Variants in CAPN9 observed in about 807,000 individuals in gnomAD.
The protein encoded by CAPN9 is calpain-9.
A neutral mutation model predicts 92.8 loss-of-function variants in CAPN9; 81 were observed. The observed-to-expected ratio is 0.87, with a 90% confidence interval of 0.73 to 1.05. The LOEUF (loss-of-function observed/expected upper bound fraction) is 1.05, where lower values mean the gene tolerates loss of function less well. CAPN9 is among the 50% of genes least tolerant of loss of function. The probability of loss-of-function intolerance (pLI) is 0.00; values close to 1 mark genes in which losing one functional copy is unlikely to be tolerated. For missense variants in CAPN9, 848 were observed against 866.2 expected, an observed-to-expected ratio of 0.98 and a Z score of 0.26; for synonymous variants, 304 against 328.0, an observed-to-expected ratio of 0.93 and a Z score of 0.79.
intron 9 of CAPN9, among the ~76,000 whole-genome samples, 177 bp from the exon 10 acceptor site, chr1:230,780,002 G>T (rs1667094336): frequency 6.6e-6 from 1 of 152,092 alleles, no homozygotes; most frequent in African/African-American, 2.4e-5. Flanking sequence ...TAGGGTAGGA[G>T]GACTTATTGA....
rs1293286528 is a variant in CAPN9 at position 230,767,580 on chromosome 1, C to T, written c.576C>T (p.Ala192=). ...GSYEALKGGS[A]IEAMEDFTGG... is the part of the protein sequence containing the mutation. ...ATGAAGCTCTGAAGGGAGGCAGCGC[C>T]ATCGAGGCCATGGAAGACTTCACTG... Residue 192 remains alanine (A), a synonymous_variant, in exon 5 of 20, where the codon GCC becomes GCT. Transcript: ENST00000271971. The T allele has an allele frequency of 7.4e-6, 12 of 1,613,544 alleles. No homozygotes were observed. Among genetic ancestry groups the T allele is most frequent in the Non-Finnish European group, 1.0e-5 (12 of 1,179,732 alleles).
At chr1:230,788,195 T>G (rs892098047) in intron 13 of CAPN9, among the ~76,000 whole-genome samples, 2 of 152,168 alleles carry the variant, frequency 1.3e-5, no homozygotes, top group Non-Finnish European at 2.9e-5. Flanking sequence ...CTTGAAGAGG[T>G]GACTCCTTTG....
At chr1:230,768,036 AT>A (rs1558093665) in intron 5 of CAPN9, among the ~76,000 whole-genome samples, 6 of 131,804 alleles carry the variant, frequency 4.6e-5, no homozygotes, top group Non-Finnish European at 8.6e-5. Context: ...AAATAAATAA[AT>A]AAATAAATAA....
At chr1:230,767,496 C>T in intron 4 of CAPN9, 45 bp from the exon 5 acceptor site, 1 of 1,541,620 alleles carries the variant, frequency 6.5e-7, no homozygotes, top group East Asian at 2.3e-5. Flanking sequence ...CCAGTGGCCT[C>T]CCTAGGTCCC....
chr1:230,776,249 G>A (rs1666765409), intron 8 of CAPN9: 1 of 152,080 alleles, frequency 6.6e-6, no homozygotes, highest in Non-Finnish European at 1.5e-5. Context: ...AGCTCTCTGG[G>A]GCCTCTTTTA....
intron 14 of CAPN9, chr1:230,790,488 A>G (rs28359708): frequency 0.054 from 9,257 of 170,154 alleles, 291 homozygotes; most frequent in South Asian, 0.13. Context: ...CATGTGTGTC[A>G]TATGCGTAGA....
chr1:230,785,893 C>G, intron 11 of CAPN9, 88 bp from the exon 12 acceptor site: 1 of 1,309,454 alleles, frequency 7.6e-7, no homozygotes, highest in Non-Finnish European at 1.1e-6. Context: ...AGGGACAGAA[C>G]CTTCCCAGGC....
At chr1:230,773,338 A>C (rs886773810) in intron 7 of CAPN9, among the ~76,000 whole-genome samples, 1 of 152,138 alleles carries the variant, frequency 6.6e-6, no homozygotes, top group African/African-American at 2.4e-5. Flanking sequence ...TCCTGGCAGA[A>C]ATGGAAAGCA....
At chr1:230,761,389 G>T (rs1665625373) in intron 3 of CAPN9, among the ~76,000 whole-genome samples, 2 of 152,076 alleles carry the variant, frequency 1.3e-5, no homozygotes, top group South Asian at 4.1e-4. Context: ...CAGCCCTGAG[G>T]CTCCTCCCCA....
At position 230,801,837 on chromosome 1, in the gene CAPN9, A is replaced by T; in HGVS notation, c.*241A>T. 1.8e-6 allele frequency: 1 copy of T among 552,694 alleles called. No individual in the cohort carries two copies. Among genetic ancestry groups the T allele is most frequent in the South Asian group, 2.6e-5 (1 of 37,842 alleles). 34.2% of individuals were successfully genotyped at this position (552,694 alleles called of 1,614,324 possible). On this transcript the variant is annotated 3_prime_UTR_variant, in exon 20 of 20. Coordinates refer to ENST00000271971, the MANE Select transcript of CAPN9 (RefSeq NM_006615.3). ...GCTGATGGCGCCACCTGTGCCTTACATCCAGGTTCAGGCATCACTAGCTTT... is the reference window on the plus strand; with the variant it reads ...GCTGATGGCGCCACCTGTGCCTTACTTCCAGGTTCAGGCATCACTAGCTTT...
At chr1:230,790,793 C>T (rs1267720021) in intron 14 of CAPN9, among the ~76,000 whole-genome samples, 2 of 152,128 alleles carry the variant, frequency 1.3e-5, no homozygotes, top group African/African-American at 4.8e-5. Flanking sequence ...TAAACACACA[C>T]ACACACAATC....
At position 230,779,153 on chromosome 1, in the gene CAPN9, C is replaced by T; in HGVS notation, c.1114+20C>T. On this transcript the variant is annotated intron_variant, in intron 9 of 19. Coordinates refer to ENST00000271971, the MANE Select transcript of CAPN9 (RefSeq NM_006615.3). ...TCCTGGGTAGGTAGGCTGCCTGTCA[C>T]TCTCTCTGCCACTCCCAAGTGTCCC... The T allele has an allele frequency of 6.2e-7, 1 of 1,610,278 alleles. No individual in the cohort carries two copies. The highest frequency in any genetic ancestry group is 2.2e-5 in the East Asian group (1 of 44,864).
chr1:230,777,933 G>A (rs945654929), intron 8 of CAPN9, among the ~76,000 whole-genome samples: 9 of 152,044 alleles, frequency 5.9e-5, no homozygotes, highest in African/African-American at 1.7e-4. Flanking sequence ...CTCTTTAGGC[G>A]TCTCGTCTGG....
chr1:230,766,220 C>G (rs1041506621), intron 4 of CAPN9, among the ~76,000 whole-genome samples: 1 of 152,086 alleles, frequency 6.6e-6, no homozygotes, highest in African/African-American at 2.4e-5. Flanking sequence ...CTCAGCCTCC[C>G]GAAATGCTGG....
intron 8 of CAPN9, 110 bp downstream of exon 8, chr1:230,774,741 T>TTCTTTC (rs756634464): frequency 9.0e-5 from 12 of 133,588 alleles, no homozygotes; most frequent in African/African-American, 5.1e-4. Context: ...CTTTCTTTCT[T>TTCTTTC]TTTTTTTTTT....
chr1:230,751,068 C>T (rs1258449459), intron 1 of CAPN9, among the ~76,000 whole-genome samples: 1 of 152,172 alleles, frequency 6.6e-6, no homozygotes, highest in Non-Finnish European at 1.5e-5. Flanking sequence ...AGGCAATTCC[C>T]CCCCACCAAT....
chr1:230,768,544 GT>G lies in CAPN9; in HGVS notation c.706-624del, dbSNP rs34574106. ...CTTCCTATCTAGTTTTCTGAAATTT[GT>G]TTTTTTTTTTTCATTTCATGTACTA... On this transcript the variant is annotated intron_variant, in intron 5 of 19. Transcript: ENST00000271971. 3.9e-3 allele frequency among the ~76,000 whole-genome samples: 567 copies of G among 144,240 alleles called. 2 individuals are homozygous for G. Among genetic ancestry groups the G allele is most frequent in the Non-Finnish European group, 5.9e-3 (386 of 65,450 alleles). The allele number at this position is 144,240 out of a possible 152,430, so 94.6% of individuals were successfully genotyped here.
At chr1:230,758,013 G>A (rs560691502) in intron 2 of CAPN9, among the ~76,000 whole-genome samples, 1 of 152,254 alleles carries the variant, frequency 6.6e-6, no homozygotes, top group Admixed American at 6.5e-5. Context: ...GACCCACAGA[G>A]GGCACTTCTT....
At chr1:230,786,644 C>T (rs1667605251) in intron 12 of CAPN9, among the ~76,000 whole-genome samples, 1 of 152,120 alleles carries the variant, frequency 6.6e-6, no homozygotes, top group South Asian at 2.1e-4. Flanking sequence ...TTCTGGCCTT[C>T]CCGAGCTCTA....
Sources: allele counts gnomAD v4.1 joint callset (sites outside exome capture counted in the v4.1 genomes callset), GRCh38; gene constraint gnomAD v4.1.1; transcripts MANE v1.5; gene names NCBI Gene and HGNC (gene_info 2026-07-23, HGNC 2026-07-21).